The following GRID2IP variants were observed in gnomAD, a reference collection of about 807,000 sequenced individuals.
GRID2IP encodes the protein Grid2 interacting protein.
A neutral mutation model predicts 114.3 loss-of-function variants in GRID2IP; 78 were observed. That is an observed-to-expected ratio of 0.68 (90% CI 0.57 to 0.82). The LOEUF is 0.82. Ranked by LOEUF, GRID2IP falls within the 40% of genes least tolerant of loss-of-function variation. The pLI, the probability that GRID2IP is intolerant of heterozygous loss-of-function variation, is 0.00. For synonymous variants in GRID2IP, 809 were observed against 724.0 expected, an observed-to-expected ratio of 1.12 and a Z score of -1.89; for missense variants, 1,727 against 1,678.5, an observed-to-expected ratio of 1.03 and a Z score of -0.51.
chr7:6,500,144 A>G (rs1786370837), intron 20 of GRID2IP, among the ~76,000 whole-genome samples: 1 of 151,762 alleles, frequency 6.6e-6, no homozygotes, highest in East Asian at 1.9e-4. Flanking sequence ...CCCTTACCTA[A>G]ACAGCCTCAG....
chr7:6,551,404 C>G lies in GRID2IP; in HGVS notation c.33G>C (p.Gln11His). 1.9e-6 allele frequency: 3 copies of G among 1,547,426 alleles called. No individual in the cohort carries two copies. The highest frequency in any genetic ancestry group is 2.6e-6 in the Non-Finnish European group (3 of 1,145,510). MATTATPATN[Q>H]GWPEDFGFRL... Reference sequence around the variant, plus strand: ...GGAAGCCAAAGTCCTCTGGCCAGCCCTGGTTCGTGGCCGGCGTGGCAGTGG... The same window carrying G: ...GGAAGCCAAAGTCCTCTGGCCAGCCGTGGTTCGTGGCCGGCGTGGCAGTGG... The change falls in exon 1 of 22, where the codon CAG (glutamine) becomes CAC (histidine). Residue 11 changes from glutamine to histidine, a missense_variant. Gln to His is a conservative substitution (Grantham distance 24, BLOSUM62 0). Transcript: ENST00000457091.
chr7:6,499,908 T>C (rs1245566012), intron 20 of GRID2IP, among the ~76,000 whole-genome samples: 2 of 151,834 alleles, frequency 1.3e-5, no homozygotes, highest in Admixed American at 6.6e-5. Flanking sequence ...TTTCAAATTA[T>C]TCTGTAGAGA....
In GRID2IP at chr7:6,517,283, T is replaced by C. The variant is rs7801028; in HGVS notation, c.1269-2754A>G. Among the ~76,000 whole-genome samples, 617 of 151,890 alleles carry C rather than the reference T, an allele frequency of 4.1e-3. 11 individuals carry two copies. Among genetic ancestry groups the C allele is most frequent in the African/African-American group, 0.014 (587 of 41,454 alleles). On this transcript the variant is annotated intron_variant, in intron 7 of 21. Transcript: ENST00000457091. ...CATGTTAGCCAGGATGGTCTCGATC[T>C]CCTGACCTCGTGATCTGCCCATCTC...
chr7:6,503,763 G>C (rs1395335694), intron 15 of GRID2IP, 76 bp from the exon 16 acceptor site: 4 of 1,155,360 alleles, frequency 3.5e-6, no homozygotes, highest in South Asian at 3.4e-5. Flanking sequence ...AGAGGGCAGG[G>C]CAGAGGCGGG....
At position 6,551,215 on chromosome 7, in the gene GRID2IP, AC is replaced by A; in HGVS notation, c.221del (p.Arg74LeufsTer38). On this transcript the variant is annotated frameshift_variant, in exon 1 of 22. Coordinates refer to ENST00000457091, the MANE Select transcript of GRID2IP (RefSeq NM_001145118.2). LOFTEE classifies it high-confidence loss of function. ...RLVRLARRCP[R>X]VPPSLGVLPA... Reference sequence around the variant, plus strand: ...GGAGCACGCCCAGACTGGGCGGCACACGTGGGCAGCGCCGTGCCAGGCGCAC... The same window carrying A: ...GGAGCACGCCCAGACTGGGCGGCACAGTGGGCAGCGCCGTGCCAGGCGCAC... The A allele has an allele frequency of 6.6e-7, 1 of 1,507,406 alleles. No individual in the cohort carries two copies. The highest frequency in any genetic ancestry group is 1.2e-5 in the South Asian group (1 of 80,964). The allele number at this position is 1,507,406 out of a possible 1,614,324, so 93.4% of individuals were successfully genotyped here. A position where few individuals can be genotyped will look rare whatever the true frequency, so the allele number is the denominator to read the frequency against.
At chr7:6,545,372 T>C (rs1779872116) in intron 1 of GRID2IP, among the ~76,000 whole-genome samples, 1 of 152,160 alleles carries the variant, frequency 6.6e-6, no homozygotes, top group African/African-American at 2.4e-5. Context: ...CACGTGCTGT[T>C]TCTGTACCAC....
rs923206430 is a variant in GRID2IP at position 6,532,882 on chromosome 7, TGG to T, written c.585-6115_585-6114del. Among the ~76,000 whole-genome samples the T allele has an allele frequency of 2.0e-5, 3 of 152,138 alleles. No homozygotes were observed. Among genetic ancestry groups the T allele is most frequent in the African/African-American group, 7.2e-5 (3 of 41,418 alleles). On this transcript the variant is annotated intron_variant, in intron 2 of 21. Transcript: ENST00000457091. The surrounding 1 kb of genome is among the most constrained non-coding windows in gnomAD (Gnocchi z 4.4). Reference sequence around the variant, plus strand: ...CAGAGCCAGGTCTCCGTGGGCACAGTGGGGCCAGCTGCTCATGCCTGTGGCCA... The same window carrying T: ...CAGAGCCAGGTCTCCGTGGGCACAGTGGCCAGCTGCTCATGCCTGTGGCCA...
chr7:6,542,131 G>C (rs948017514), intron 1 of GRID2IP, among the ~76,000 whole-genome samples: 5 of 151,592 alleles, frequency 3.3e-5, no homozygotes, highest in Non-Finnish European at 1.5e-5. Flanking sequence ...GTGAAACCCC[G>C]TCTCTACTAA....
chr7:6,550,920 G>T (rs888238039), intron 1 of GRID2IP, 88 bp downstream of exon 1: 8 of 1,186,084 alleles, frequency 6.7e-6, no homozygotes, highest in African/African-American at 1.6e-5. Flanking sequence ...CCTTACCTCT[G>T]GCCCTGGGAG....
rs767592201 is a variant in GRID2IP, at chr7:6,520,438, T to A, written c.1268+140A>T. The A allele has an allele frequency of 1.5e-5, 15 of 971,978 alleles. No individual in the cohort carries two copies. Among genetic ancestry groups the A allele is most frequent in the Middle Eastern group, 6.6e-4 (2 of 3,026 alleles). The allele number at this position is 971,978 out of a possible 1,614,324, so 60.2% of individuals were successfully genotyped here. On this transcript the variant is annotated intron_variant, in intron 7 of 21. Coordinates refer to ENST00000457091, the MANE Select transcript of GRID2IP (RefSeq NM_001145118.2). This position sits in a 1 kb window ranked among gnomAD's most constrained non-coding sequence, Gnocchi z 4.6. Reference sequence around the variant, plus strand: ...CAATTGCCCACCACCCTGGGGCCCCTGATACCAGCAGCCACCTTCCTGAGC... The same window carrying A: ...CAATTGCCCACCACCCTGGGGCCCCAGATACCAGCAGCCACCTTCCTGAGC...
rs1425656818 is a variant in GRID2IP at position 6,536,734 on chromosome 7, G to T, written c.584+2984C>A. On this transcript the variant is annotated intron_variant, in intron 2 of 21. Coordinates refer to ENST00000457091, the MANE Select transcript of GRID2IP (RefSeq NM_001145118.2). The surrounding 1 kb of genome is among the most constrained non-coding windows in gnomAD (Gnocchi z 5.3). ...GCTCCCCAGGAAGCGCTCAGAGCCA[G>T]CGCATCATCTCCGCGGCAAATTCGG... The T allele has an allele frequency of 1.4e-6, 1 of 695,582 alleles. No homozygotes were observed. The highest frequency in any genetic ancestry group is 2.6e-6 in the Non-Finnish European group (1 of 380,330). 43.1% of individuals were successfully genotyped at this position (695,582 alleles called of 1,614,324 possible). A position where few individuals can be genotyped will look rare whatever the true frequency, so the allele number is the denominator to read the frequency against.
intron 1 of GRID2IP, among the ~76,000 whole-genome samples, chr7:6,547,531 G>A (rs1235005072): frequency 6.6e-6 from 1 of 152,156 alleles, no homozygotes; most frequent in Admixed American, 6.6e-5. Flanking sequence ...CTGGGCAACA[G>A]AGCTAGACCC....
chr7:6,536,934 G>T lies in GRID2IP; in HGVS notation c.584+2784C>A. 1.7e-6 allele frequency: 1 copy of T among 601,264 alleles called. No homozygotes were observed. The highest frequency in any genetic ancestry group is 3.1e-6 in the Non-Finnish European group (1 of 327,838). The allele number at this position is 601,264 out of a possible 1,614,324, so 37.2% of individuals were successfully genotyped here. On this transcript the variant is annotated intron_variant, in intron 2 of 21. Coordinates refer to ENST00000457091, the MANE Select transcript of GRID2IP (RefSeq NM_001145118.2). The surrounding 1 kb of genome is among the most constrained non-coding windows in gnomAD (Gnocchi z 5.3). Reference sequence around the variant, plus strand: ...GGGTGGGCGGGGGGGCGGCGGGGAGGGTGGCCAGCCCAGTCCCTGACATTG... The same window carrying T: ...GGGTGGGCGGGGGGGCGGCGGGGAGTGTGGCCAGCCCAGTCCCTGACATTG...
chr7:6,521,784 G>T lies in GRID2IP; in HGVS notation c.989+104C>A. ...GGACAGACCCTGGGGACCAAATGGTGAGAGGAGATTGTGATCACAGCCTGG... is the reference window on the plus strand; with the variant it reads ...GGACAGACCCTGGGGACCAAATGGTTAGAGGAGATTGTGATCACAGCCTGG... On this transcript the variant is annotated intron_variant, in intron 5 of 21. Coordinates refer to ENST00000457091, the MANE Select transcript of GRID2IP (RefSeq NM_001145118.2). This position sits in a 1 kb window ranked among gnomAD's most constrained non-coding sequence, Gnocchi z 4.1. 1 of 869,096 alleles carries T rather than the reference G, an allele frequency of 1.2e-6. No homozygotes were observed. Among genetic ancestry groups the T allele is most frequent in the Non-Finnish European group, 1.8e-6 (1 of 541,834 alleles). 53.8% of individuals were successfully genotyped at this position (869,096 alleles called of 1,614,324 possible).
intron 20 of GRID2IP, among the ~76,000 whole-genome samples, chr7:6,498,477 G>A (rs1038542237): frequency 1.3e-5 from 2 of 151,500 alleles, no homozygotes; most frequent in Non-Finnish European, 2.9e-5. Context: ...TCTCTGCAGG[G>A]CCAGGCCCTG....
Position 6,534,095 on chromosome 7 carries a change from C to G in GRID2IP, c.584+5623G>C, listed in dbSNP as rs559737067. 3.0e-4 allele frequency among the ~76,000 whole-genome samples: 46 copies of G among 152,248 alleles called. No homozygotes were observed. Among genetic ancestry groups the G allele is most frequent in the Middle Eastern group, 6.8e-3 (2 of 294 alleles). On this transcript the variant is annotated intron_variant, in intron 2 of 21. Transcript: ENST00000457091. This position sits in a 1 kb window ranked among gnomAD's most constrained non-coding sequence, Gnocchi z 4.5. ...TTGGCCAAGTTCATTTACATGGTTT[C>G]CTACCAAGAACCCTGCTGAGAACAC...
chr7:6,526,661 G>C lies in GRID2IP; in HGVS notation c.693C>G (p.Arg231=). The change falls in exon 3 of 22, where the codon CGC becomes CGG. Residue 231 remains arginine (R), a synonymous_variant. Transcript: ENST00000457091. This position sits in a 1 kb window ranked among gnomAD's most constrained non-coding sequence, Gnocchi z 7.6. Reference sequence around the variant, plus strand: ...CCGGCCGCTCCTCGCTGCGGCTCCGGCGCAGTCGCTGCGCGCCCTGGGCCC... The same window carrying C: ...CCGGCCGCTCCTCGCTGCGGCTCCGCCGCAGTCGCTGCGCGCCCTGGGCCC... The part of the protein sequence containing the change: ...ARRAQGAQRL[R]RSRSEERPER... 4 of 1,452,504 alleles carry C rather than the reference G, an allele frequency of 2.8e-6. No individual in the cohort carries two copies. The highest frequency in any genetic ancestry group is 3.6e-6 in the Non-Finnish European group (4 of 1,105,228). 90.0% of individuals were successfully genotyped at this position (1,452,504 alleles called of 1,614,324 possible).
rs561266750 is a variant in GRID2IP at position 6,540,741 on chromosome 7, G to A, written c.430-869C>T. The stretch of plus-strand genomic sequence containing the variant: ...AGATGGGGTTTTACCATGTTGGCCA[G>A]GCTGGTCTCAAACTCCTGGCCTCAG... On this transcript the variant is annotated intron_variant, in intron 1 of 21. Transcript: ENST00000457091. Among the ~76,000 whole-genome samples the A allele has an allele frequency of 7.1e-4, 100 of 141,518 alleles. No individual in the cohort carries two copies. In the Middle Eastern group the frequency reaches 0.012, roughly 17 times the overall value. 92.8% of individuals were successfully genotyped at this position (141,518 alleles called of 152,430 possible). A position where few individuals can be genotyped will look rare whatever the true frequency, so the allele number is the denominator to read the frequency against.
chr7:6,501,710 G>C (rs1786419739), intron 20 of GRID2IP, 71 bp downstream of exon 20: 1 of 1,110,248 alleles, frequency 9.0e-7, no homozygotes, highest in East Asian at 2.6e-5. Flanking sequence ...GCGGCCACTG[G>C]AGCCACAGCC....
Sources: allele counts gnomAD v4.1 joint callset (sites outside exome capture counted in the v4.1 genomes callset), GRCh38; gene constraint gnomAD v4.1.1; non-coding constraint Gnocchi (gnomAD v3.1); transcripts MANE v1.5; gene names NCBI Gene and HGNC (gene_info 2026-07-23, HGNC 2026-07-21).